The following ADAMTS9 variants were observed in gnomAD, a reference collection of about 807,000 sequenced individuals.
ADAMTS9 encodes ADAM metallopeptidase with thrombospondin type 1 motif 9.
In ADAMTS9, 107 loss-of-function variants were observed where a neutral mutation model predicts 257.1. The ratio of observed to expected loss-of-function variants is 0.42; its 90% CI spans 0.36 to 0.49. The LOEUF is 0.49. Among genes scored for constraint, ADAMTS9 ranks in the 20% least tolerant of loss-of-function variants. The pLI is 0.03. For synonymous variants in ADAMTS9, 982 were observed against 880.9 expected, an observed-to-expected ratio of 1.11 and a Z score of -2.03; for missense variants, 2,353 against 2,469.1, an observed-to-expected ratio of 0.95 and a Z score of 1.00.
At chr3:64,544,418 A>G (rs1453706509) in intron 32 of ADAMTS9, among the ~76,000 whole-genome samples, 4 of 152,166 alleles carry the variant, frequency 2.6e-5, no homozygotes, top group African/African-American at 9.7e-5. Flanking sequence ...AAATAGAGAC[A>G]TAGACCAATG....
chr3:64,526,616 G>A lies in ADAMTS9; in HGVS notation c.5719-4356C>T, dbSNP rs545271874. Among the ~76,000 whole-genome samples the A allele has an allele frequency of 2.6e-5, 4 of 152,274 alleles. No homozygotes were observed. In the South Asian group the frequency reaches 8.3e-4, roughly 32 times the overall value. On this transcript the variant is annotated intron_variant, in intron 38 of 39. Coordinates refer to ENST00000498707, the MANE Select transcript of ADAMTS9 (RefSeq NM_182920.2). Reference sequence around the variant, plus strand: ...TTCACGATACAGGCAGACAAAGAATGTCTTCTGTATCATCAAAACTTATGC... The same window carrying A: ...TTCACGATACAGGCAGACAAAGAATATCTTCTGTATCATCAAAACTTATGC...
chr3:64,542,316 T>C (rs564396156), intron 32 of ADAMTS9, among the ~76,000 whole-genome samples: 2 of 152,162 alleles, frequency 1.3e-5, no homozygotes, highest in South Asian at 2.1e-4. Flanking sequence ...AGGTGGGAGA[T>C]TGGGGCTCAA....
In ADAMTS9 at chr3:64,658,563, T is replaced by C; in HGVS notation, c.908A>G (p.Asn303Ser). 6.2e-7 allele frequency: 1 copy of C among 1,614,188 alleles called. No individual in the cohort carries two copies. Among genetic ancestry groups the C allele is most frequent in the Non-Finnish European group, 8.5e-7 (1 of 1,180,034 alleles). The stretch of plus-strand genomic sequence containing the variant: ...TTCTCCATGGTATGAAACCATTCTG[T>C]TGTCTGCCACCACCAAGACTTCTAC... ...RFVEVLVVADNRMVSYHGENL... is the reference protein window; with the variant it reads ...RFVEVLVVADSRMVSYHGENL... The change falls in exon 4 of 40, where the codon AAC (asparagine) becomes AGC (serine). Residue 303 changes from asparagine (N) to serine (S), a missense_variant. Physicochemically the swap from Asn to Ser is conservative, Grantham distance 46. Around this residue, in one of 3 missense-constraint regions of ADAMTS9, gnomAD observed 591 missense variants for 569.6 expected, o/e 1.04. Coordinates refer to ENST00000498707, the MANE Select transcript of ADAMTS9 (RefSeq NM_182920.2).
intron 38 of ADAMTS9, among the ~76,000 whole-genome samples, chr3:64,524,920 C>T (rs1261190201): frequency 6.6e-6 from 1 of 152,106 alleles, no homozygotes; most frequent in Non-Finnish European, 1.5e-5. Flanking sequence ...TTGGAGTTCT[C>T]CTCTCTCTCC....
chr3:64,524,363 T>G (rs1363981588), intron 38 of ADAMTS9, among the ~76,000 whole-genome samples: 1 of 152,236 alleles, frequency 6.6e-6, no homozygotes, highest in African/African-American at 2.4e-5. Context: ...TGCCAAGCCA[T>G]GAATATGCTT....
intron 28 of ADAMTS9, 129 bp downstream of exon 28, chr3:64,594,129 A>G: frequency 2.0e-6 from 2 of 984,586 alleles, no homozygotes; most frequent in Non-Finnish European, 3.0e-6. Flanking sequence ...GGAGAAAATA[A>G]TAGACTATTT....
chr3:64,648,095 G>A (rs537513887), intron 10 of ADAMTS9, 51 bp from the exon 11 acceptor site: 1 of 1,519,686 alleles, frequency 6.6e-7, no homozygotes, highest in African/African-American at 1.4e-5. Flanking sequence ...TTATTTGGCA[G>A]TATCAAACAA....
intron 27 of ADAMTS9, 52 bp from the exon 28 acceptor site, chr3:64,594,486 C>CA: frequency 1.3e-6 from 2 of 1,587,026 alleles, no homozygotes; most frequent in Non-Finnish European, 1.7e-6. Context: ...AGGCCAATGA[C>CA]AAATTTCCTT....
chr3:64,574,766 T>A (rs1483626010), intron 28 of ADAMTS9, among the ~76,000 whole-genome samples: 1 of 151,762 alleles, frequency 6.6e-6, no homozygotes, highest in Non-Finnish European at 1.5e-5. Context: ...CCCAACCACT[T>A]TAATCCTTAA....
At chr3:64,632,081 T>C (rs1344846909) in intron 14 of ADAMTS9, among the ~76,000 whole-genome samples, 156 bp from the exon 15 acceptor site, 1 of 152,226 alleles carries the variant, frequency 6.6e-6, no homozygotes, top group Non-Finnish European at 1.5e-5. Flanking sequence ...TATACTGCCT[T>C]GCTATTTAAA....
intron 3 of ADAMTS9, among the ~76,000 whole-genome samples, chr3:64,661,583 T>C (rs1018102107): frequency 1.3e-5 from 2 of 152,182 alleles, no homozygotes; most frequent in Admixed American, 6.5e-5. Flanking sequence ...ATTCCCGAAA[T>C]TGTGCTCTTT....
At chr3:64,555,325 G>A (rs1246033862) in intron 30 of ADAMTS9, among the ~76,000 whole-genome samples, 1 of 152,128 alleles carries the variant, frequency 6.6e-6, no homozygotes, top group Non-Finnish European at 1.5e-5. Flanking sequence ...AGGTGCGGTG[G>A]GGAGAAGGAG....
chr3:64,527,283 A>G (rs1002141430), intron 38 of ADAMTS9, among the ~76,000 whole-genome samples: 3 of 152,234 alleles, frequency 2.0e-5, no homozygotes, highest in Admixed American at 6.5e-5. Flanking sequence ...TAAATGAATG[A>G]ATCTCTGTTC....
intron 23 of ADAMTS9, among the ~76,000 whole-genome samples, chr3:64,606,435 T>A (rs768300724): frequency 5.3e-5 from 8 of 152,206 alleles, no homozygotes; most frequent in Non-Finnish European, 8.8e-5. Flanking sequence ...ACATCCACCA[T>A]ACAGACACAT....
At chr3:64,585,020 G>C (rs2084111960) in intron 28 of ADAMTS9, among the ~76,000 whole-genome samples, 1 of 152,058 alleles carries the variant, frequency 6.6e-6, no homozygotes, top group African/African-American at 2.4e-5. Flanking sequence ...GTAATAAGGA[G>C]TTCAGCACCT....
At chr3:64,536,883 A>C (rs2083057346) in intron 37 of ADAMTS9, among the ~76,000 whole-genome samples, 2 of 152,218 alleles carry the variant, frequency 1.3e-5, no homozygotes, top group African/African-American at 4.8e-5. Flanking sequence ...ACTCTTATTA[A>C]TAAATACATC....
chr3:64,528,790 T>A (rs2082941799), intron 38 of ADAMTS9, among the ~76,000 whole-genome samples: 1 of 152,260 alleles, frequency 6.6e-6, no homozygotes, highest in Non-Finnish European at 1.5e-5. Flanking sequence ...TTTTATTTCA[T>A]TTATGTTTCA....
chr3:64,609,485 A>G (rs1424102607), intron 22 of ADAMTS9, among the ~76,000 whole-genome samples: 2 of 152,118 alleles, frequency 1.3e-5, no homozygotes, highest in South Asian at 4.1e-4. Context: ...ATACATCAGC[A>G]ATGAACAATC....
intron 28 of ADAMTS9, chr3:64,592,703 TC>T (rs2084285294): frequency 6.6e-6 from 1 of 152,148 alleles, no homozygotes; most frequent in African/African-American, 2.4e-5. Context: ...AATGCAGGTT[TC>T]TTTTTTTCAC....
Sources: gnomAD v4.1 joint callset for allele counts (sites outside exome capture counted in the v4.1 genomes callset) on GRCh38, gnomAD v4.1.1 for gene constraint, gnomAD v4.1.1 regional missense constraint, MANE v1.5 for transcripts, NCBI Gene and HGNC (gene_info 2026-07-23, HGNC 2026-07-21) for gene names.